BNC2: variants seen among roughly 807,000 people sequenced by gnomAD.
BNC2 encodes the protein zinc finger protein basonuclin-2.
In BNC2, 20 loss-of-function variants were observed where a neutral mutation model predicts 76.3. That is an observed-to-expected ratio of 0.26 (90% CI 0.18 to 0.38). The LOEUF (loss-of-function observed/expected upper bound fraction) is 0.38, where lower values mean the gene tolerates loss of function less well. Ranked by LOEUF, BNC2 falls within the 10% of genes least tolerant of loss-of-function variation. The probability of loss-of-function intolerance (pLI) is 1.00; values close to 1 mark genes in which losing one functional copy is unlikely to be tolerated. For synonymous variants in BNC2, 582 were observed against 514.8 expected (o/e 1.13, Z -1.77); for missense variants, 1,382 against 1,399.8 (o/e 0.99, Z 0.20).
At chr9:16,588,377 A>G (rs1387261500) in intron 3 of BNC2, among the ~76,000 whole-genome samples, 2 of 152,190 alleles carry the variant, frequency 1.3e-5, no homozygotes, top group Admixed American at 1.3e-4. Flanking sequence ...TTTGACATAC[A>G]TAATACCATA....
chr9:16,774,273 G>C (rs188292999), intron 1 of BNC2, among the ~76,000 whole-genome samples: 3 of 152,166 alleles, frequency 2.0e-5, no homozygotes, highest in Non-Finnish European at 2.9e-5. Flanking sequence ...GTGAGCCACC[G>C]TGTCCGGCCT....
chr9:16,472,528 G>A (rs1821847350), intron 5 of BNC2, among the ~76,000 whole-genome samples: 1 of 152,176 alleles, frequency 6.6e-6, no homozygotes, highest in Non-Finnish European at 1.5e-5. Flanking sequence ...AGGTCACATG[G>A]CTTAGTTACC....
chr9:16,793,439 G>C (rs1817565387), intron 1 of BNC2, among the ~76,000 whole-genome samples: 1 of 152,156 alleles, frequency 6.6e-6, no homozygotes, highest in South Asian at 2.1e-4. Flanking sequence ...TAACAAGCCA[G>C]TGAACATTTT....
chr9:16,787,736 G>C (rs1053311178), intron 1 of BNC2, among the ~76,000 whole-genome samples: 5 of 152,122 alleles, frequency 3.3e-5, no homozygotes, highest in Non-Finnish European at 5.9e-5. Flanking sequence ...TCTTTGTAGA[G>C]ACGAGGGTCT....
At chr9:16,661,206 A>G (rs889691810) in intron 3 of BNC2, among the ~76,000 whole-genome samples, 1 of 152,208 alleles carries the variant, frequency 6.6e-6, no homozygotes, top group Non-Finnish European at 1.5e-5. Flanking sequence ...CTGTATCATC[A>G]GAAGAACAGA....
chr9:16,727,930 C>G lies in BNC2; in HGVS notation c.197G>C (p.Arg66Thr). ...TQRDREPKRA[R>T]DLTLRDSCTD... is the part of the protein sequence containing the mutation. ...ACAGGAGTCTCTTAAAGTCAAGTCTCTTGCCCTCTTTGGCTCTCTGTCTCT... is the reference window on the plus strand; with the variant it reads ...ACAGGAGTCTCTTAAAGTCAAGTCTGTTGCCCTCTTTGGCTCTCTGTCTCT... Residue 66 changes from arginine to threonine, a missense_variant, in exon 3 of 7, where the codon AGA becomes ACA. Arg to Thr is a moderately conservative substitution (Grantham distance 71). This residue lies in a region of BNC2 where 557 missense variants were observed against 540.9 expected (regional missense o/e 1.03). Coordinates refer to ENST00000380672, the MANE Select transcript of BNC2 (RefSeq NM_017637.6). 2 of 1,614,126 alleles carry G rather than the reference C, an allele frequency of 1.2e-6. No individual in the cohort carries two copies. Among genetic ancestry groups the G allele is most frequent in the Non-Finnish European group, 8.5e-7 (1 of 1,180,022 alleles).
At chr9:16,807,521 A>C (rs1273924943) in intron 1 of BNC2, among the ~76,000 whole-genome samples, 1 of 152,184 alleles carries the variant, frequency 6.6e-6, no homozygotes, top group Non-Finnish European at 1.5e-5. Context: ...AGAAGGTTAC[A>C]GCAAAATGAA....
chr9:16,497,978 G>GTGTGTGT (rs1822425937), intron 5 of BNC2, among the ~76,000 whole-genome samples: 4 of 134,840 alleles, frequency 3.0e-5, no homozygotes, highest in African/African-American at 7.9e-5. Flanking sequence ...AAGAAACTGT[G>GTGTGTGT]GTGTGTGTGT....
intron 5 of BNC2, among the ~76,000 whole-genome samples, chr9:16,438,150 C>T (rs990236987): frequency 3.9e-5 from 6 of 151,942 alleles, no homozygotes; most frequent in African/African-American, 1.2e-4. Context: ...CATTTAATAG[C>T]AGGCAATTTC....
intron 1 of BNC2, among the ~76,000 whole-genome samples, chr9:16,748,041 A>G (rs1425377994): frequency 6.6e-6 from 1 of 152,236 alleles, no homozygotes. Context: ...AAATACAGAT[A>G]AACAACATCT....
intron 1 of BNC2, among the ~76,000 whole-genome samples, chr9:16,796,815 C>G (rs1483782126): frequency 2.0e-5 from 3 of 152,070 alleles, no homozygotes; most frequent in African/African-American, 4.8e-5. Context: ...TACAAAAATT[C>G]AAATTAGGAT....
At chr9:16,562,663 A>G (rs1488436048) in intron 4 of BNC2, among the ~76,000 whole-genome samples, 2 of 152,198 alleles carry the variant, frequency 1.3e-5, no homozygotes, top group Admixed American at 1.3e-4. Flanking sequence ...GCAAGTATGT[A>G]AGTTCCTCTT....
intron 1 of BNC2, among the ~76,000 whole-genome samples, chr9:16,766,392 G>A (rs1458923686): frequency 6.6e-6 from 1 of 152,064 alleles, no homozygotes; most frequent in Non-Finnish European, 1.5e-5. Flanking sequence ...TAATCATGAG[G>A]ACTGATTTTC....
intron 3 of BNC2, among the ~76,000 whole-genome samples, chr9:16,646,681 C>G (rs954178344): frequency 1.3e-5 from 2 of 152,082 alleles, no homozygotes; most frequent in African/African-American, 4.8e-5. Context: ...TATGAGTATA[C>G]ACATTTTGTC....
intron 3 of BNC2, among the ~76,000 whole-genome samples, chr9:16,606,293 TCA>T (rs973508553): frequency 4.0e-5 from 6 of 148,828 alleles, no homozygotes; most frequent in Non-Finnish European, 8.9e-5. Context: ...AGAAAAAAGT[TCA>T]CTCTGTCAGA....
chr9:16,432,626 C>T (rs535687595), intron 6 of BNC2, among the ~76,000 whole-genome samples: 3 of 152,240 alleles, frequency 2.0e-5, no homozygotes, highest in South Asian at 4.1e-4. Context: ...ACCCTATAGC[C>T]CTGCACACTT....
chr9:16,639,685 G>C, intron 3 of BNC2, among the ~76,000 whole-genome samples: 1 of 152,056 alleles, frequency 6.6e-6, no homozygotes, highest in East Asian at 1.9e-4. Flanking sequence ...GAGAGGCTGA[G>C]GCAGGAAGAC....
intron 5 of BNC2, among the ~76,000 whole-genome samples, chr9:16,457,691 G>A (rs549282645): frequency 2.6e-5 from 4 of 152,256 alleles, no homozygotes; most frequent in East Asian, 1.9e-4. Flanking sequence ...GAAGGAAAGC[G>A]CGTGTTCGGC....
chr9:16,736,955 C>T lies in BNC2; in HGVS notation c.129+1405G>A, dbSNP rs202163958. 2.0e-5 allele frequency among the ~76,000 whole-genome samples: 3 copies of T among 151,618 alleles called. No individual in the cohort carries two copies. In the East Asian group the frequency reaches 5.9e-4, roughly 30 times the overall value. On this transcript the variant is annotated intron_variant, in intron 2 of 6. Coordinates refer to ENST00000380672, the MANE Select transcript of BNC2 (RefSeq NM_017637.6). ...CCGAGTAGCTGGGATTACAGGCATG[C>T]ACCTCCATGCCCGGCTAATTTTGTA...
Sources: gnomAD v4.1 joint callset for allele counts (sites outside exome capture counted in the v4.1 genomes callset) on GRCh38, gnomAD v4.1.1 for gene constraint, gnomAD v4.1.1 regional missense constraint, MANE v1.5 for transcripts, NCBI Gene and HGNC (gene_info 2026-07-23, HGNC 2026-07-21) for gene names.